ALK: variants seen among roughly 807,000 people sequenced by gnomAD.
ALK encodes ALK tyrosine kinase receptor.
Under a neutral mutation model 163.1 loss-of-function variants are expected in ALK, and 74 were observed. The observed-to-expected ratio is 0.45, with a 90% CI of 0.38 to 0.55. The LOEUF (loss-of-function observed/expected upper bound fraction) is 0.55. Ranked by LOEUF, ALK falls within the 20% of genes least tolerant of loss-of-function variation. The pLI, the probability that ALK is intolerant of heterozygous loss-of-function variation, is 0.00. For synonymous variants in ALK, 960 were observed against 843.2 expected (o/e 1.14, Z -2.40); for missense variants, 2,063 against 2,105.3 (o/e 0.98, Z 0.39).
chr2:29,225,667 G>T (rs983612505), intron 18 of ALK, 102 bp from the exon 19 acceptor site: 4 of 954,012 alleles, frequency 4.2e-6, no homozygotes, highest in Admixed American at 4.0e-5. Context: ...AAAACTACTT[G>T]CTCCTTCCCA....
intron 12 of ALK, among the ~76,000 whole-genome samples, chr2:29,247,688 G>T (rs1341105735): frequency 6.6e-6 from 1 of 152,176 alleles, no homozygotes; most frequent in East Asian, 1.9e-4. Flanking sequence ...CCCAGGCAAT[G>T]GTGGCCCCCC....
chr2:29,641,128 T>C (rs1676688676), intron 3 of ALK, among the ~76,000 whole-genome samples: 1 of 152,092 alleles, frequency 6.6e-6, no homozygotes, highest in African/African-American at 2.4e-5. Context: ...CTGGAAAGCT[T>C]TGCCAAGGAT....
At chr2:29,235,443 T>C (rs1378326170) in intron 13 of ALK, among the ~76,000 whole-genome samples, 1 of 152,092 alleles carries the variant, frequency 6.6e-6, no homozygotes, top group East Asian at 1.9e-4. Flanking sequence ...ACGATGGAAA[T>C]AATTTGATAT....
In ALK at chr2:29,193,618, T is replaced by G. The variant is rs2148138212; in HGVS notation, c.4469A>C (p.His1490Pro). Residue 1490 changes from histidine to proline, a missense_variant, in exon 29 of 29, where the codon CAC (histidine) becomes CCC (proline). By Grantham distance (77) the His-to-Pro change is moderately conservative. Coordinates refer to ENST00000389048, the MANE Select transcript of ALK (RefSeq NM_004304.5). ...FSQSNPPSEL[H>P]KVHGSRNKPT... ...CTTGTTTCTGGATCCGTGGACCTTG[T>G]GCAACTCCGAAGGAGGGTTGGACTG... The G allele has an allele frequency of 1.2e-6, 2 of 1,614,250 alleles. No homozygotes were observed. Among genetic ancestry groups the G allele is most frequent in the Non-Finnish European group, 1.7e-6 (2 of 1,180,042 alleles).
chr2:29,846,264 C>T (rs1665840993), intron 1 of ALK, among the ~76,000 whole-genome samples: 1 of 152,184 alleles, frequency 6.6e-6, no homozygotes, highest in Admixed American at 6.5e-5. Flanking sequence ...CCCACCTGAC[C>T]GCATAGCCAG....
At chr2:29,479,899 T>C (rs1466098947) in intron 4 of ALK, among the ~76,000 whole-genome samples, 1 of 152,250 alleles carries the variant, frequency 6.6e-6, no homozygotes, top group Non-Finnish European at 1.5e-5. Flanking sequence ...TCTTGAAATC[T>C]GGTACAGGAA....
intron 25 of ALK, 135 bp from the exon 26 acceptor site, chr2:29,207,407 G>A (rs571834393): frequency 3.6e-5 from 26 of 731,536 alleles, no homozygotes; most frequent in South Asian, 2.1e-4. Context: ...AGTCCTTGGC[G>A]GTTCAGGAGG....
At chr2:29,244,800 T>G (rs948854035) in intron 12 of ALK, among the ~76,000 whole-genome samples, 3 of 152,238 alleles carry the variant, frequency 2.0e-5, no homozygotes, top group Non-Finnish European at 2.9e-5. Context: ...TACAATTACT[T>G]TGGCAATTAA....
chr2:29,449,462 G>A (rs1670768582), intron 4 of ALK, among the ~76,000 whole-genome samples: 1 of 152,168 alleles, frequency 6.6e-6, no homozygotes, highest in African/African-American at 2.4e-5. Context: ...TCATCACTAG[G>A]AGACTTGCAT....
At chr2:29,863,451 A>G (rs927924307) in intron 1 of ALK, among the ~76,000 whole-genome samples, 1 of 152,190 alleles carries the variant, frequency 6.6e-6, no homozygotes, top group Non-Finnish European at 1.5e-5. Context: ...TTTAAAAATG[A>G]GCAAATGACC....
chr2:29,809,066 T>C (rs1206666225), intron 1 of ALK, among the ~76,000 whole-genome samples: 2 of 152,254 alleles, frequency 1.3e-5, no homozygotes, highest in East Asian at 1.9e-4. Context: ...GAGTCCCTTA[T>C]TGATGACACC....
chr2:29,197,474 G>T (rs1427940438), intron 27 of ALK, 68 bp downstream of exon 27: 1 of 1,605,086 alleles, frequency 6.2e-7, no homozygotes, highest in Non-Finnish European at 8.5e-7. Flanking sequence ...AGCATATGTG[G>T]CTCTGGATAT....
At chr2:29,419,759 G>A (rs1418642939) in intron 4 of ALK, among the ~76,000 whole-genome samples, 3 of 151,468 alleles carry the variant, frequency 2.0e-5, no homozygotes, top group Admixed American at 6.6e-5. Flanking sequence ...AATATTTAGG[G>A]GTGAGAGGAC....
chr2:29,230,615 C>T (rs913977383), intron 15 of ALK, among the ~76,000 whole-genome samples: 13 of 152,006 alleles, frequency 8.6e-5, no homozygotes, highest in African/African-American at 3.1e-4. Context: ...AAGCTGAGGT[C>T]AGGAACAAGC....
At chr2:29,919,404 A>G (rs1313342002) in intron 1 of ALK, among the ~76,000 whole-genome samples, 1 of 137,230 alleles carries the variant, frequency 7.3e-6, no homozygotes, top group Non-Finnish European at 1.6e-5. Flanking sequence ...AGAAAGGATG[A>G]GTCGAGAGTG....
At chr2:29,330,325 T>C (rs904310464) in intron 5 of ALK, among the ~76,000 whole-genome samples, 2 of 152,172 alleles carry the variant, frequency 1.3e-5, no homozygotes, top group African/African-American at 4.8e-5. Flanking sequence ...ACTCTGCTGA[T>C]TGAAATCCTG....
At chr2:29,611,257 G>A (rs1675683877) in intron 3 of ALK, among the ~76,000 whole-genome samples, 1 of 152,142 alleles carries the variant, frequency 6.6e-6, no homozygotes, top group Admixed American at 6.6e-5. Context: ...AGCACAAAGG[G>A]AAAGGAGGCT....
chr2:29,834,334 G>C (rs1665501426), intron 1 of ALK, among the ~76,000 whole-genome samples: 1 of 152,274 alleles, frequency 6.6e-6, no homozygotes, highest in South Asian at 2.1e-4. Context: ...AGGTTTTGTG[G>C]GCTTGACACA....
chr2:29,321,742 C>T (rs1667057764), intron 6 of ALK, among the ~76,000 whole-genome samples: 1 of 149,376 alleles, frequency 6.7e-6, no homozygotes, highest in African/African-American at 2.4e-5. Context: ...TAAATGTTAT[C>T]CCAAGCCACT....
Sources: gnomAD v4.1 joint callset for allele counts (sites outside exome capture counted in the v4.1 genomes callset) on GRCh38, gnomAD v4.1.1 for gene constraint, MANE v1.5 for transcripts, NCBI Gene and HGNC (gene_info 2026-07-23, HGNC 2026-07-21) for gene names.